Variants in FGF12 observed in about 807,000 individuals in gnomAD.
The protein encoded by FGF12 is fibroblast growth factor 12, also known as fibroblast growth factor 12B.
Under a neutral mutation model 23.6 loss-of-function variants are expected in FGF12, and 14 were observed. The observed-to-expected ratio is 0.59, with a 90% CI of 0.39 to 0.93. The LOEUF is 0.93. Among genes scored for constraint, FGF12 ranks in the 40% least tolerant of loss-of-function variants. The pLI is 0.00. For missense variants in FGF12, 175 were observed against 217.8 expected (o/e 0.80, Z 1.24); for synonymous variants, 62 against 77.3 (o/e 0.80, Z 1.04).
At chr3:192,407,995 G>A (rs1333472451) in intron 2 of FGF12, 1 of 1,582,086 alleles carries the variant, frequency 6.3e-7, no homozygotes, top group East Asian at 2.3e-5. Context: ...CGTCCCCTCT[G>A]GGGAGCCCAC....
intron 2 of FGF12, among the ~76,000 whole-genome samples, chr3:192,458,162 G>C (rs962652157): frequency 5.9e-5 from 9 of 152,184 alleles, no homozygotes. Flanking sequence ...GCAGAGGTGG[G>C]GCCCTCATGA....
At chr3:192,264,299 G>C (rs1712940374) in intron 4 of FGF12, among the ~76,000 whole-genome samples, 1 of 151,944 alleles carries the variant, frequency 6.6e-6, no homozygotes. Flanking sequence ...CTTTCAAAAA[G>C]GAAGACTTTT....
intron 2 of FGF12, among the ~76,000 whole-genome samples, chr3:192,570,460 T>C (rs1207719059): frequency 6.6e-6 from 1 of 152,176 alleles, no homozygotes; most frequent in Non-Finnish European, 1.5e-5. Flanking sequence ...GCACAAACAC[T>C]ATAAAAGATA....
chr3:192,710,032 A>G (rs1480331186), intron 2 of FGF12, among the ~76,000 whole-genome samples: 2 of 152,220 alleles, frequency 1.3e-5, no homozygotes, highest in South Asian at 4.1e-4. Context: ...ACCTGTCTGG[A>G]GATGACCTTG....
intron 5 of FGF12, among the ~76,000 whole-genome samples, chr3:192,164,877 T>C (rs777208325): frequency 7.9e-5 from 12 of 152,160 alleles, no homozygotes; most frequent in Non-Finnish European, 1.6e-4. Context: ...TTCTAATCGT[T>C]TTCTAAAAGT....
At chr3:192,171,828 T>A (rs1480005286) in intron 4 of FGF12, among the ~76,000 whole-genome samples, 3 of 151,772 alleles carry the variant, frequency 2.0e-5, no homozygotes, top group African/African-American at 4.9e-5. Context: ...TGAAGCCATG[T>A]CCTTGTAGGT....
In FGF12 at chr3:192,660,052, C is replaced by G. The variant is rs1297304094; in HGVS notation, c.13+67129G>C. On this transcript the variant is annotated intron_variant, in intron 2 of 5. Coordinates refer to ENST00000445105, the MANE Select transcript of FGF12 (RefSeq NM_004113.6). ...TATAAATCATGCTGCTATAAAGACACACACACACGTATGTTTATTGTGGCA... is the reference window on the plus strand; with the variant it reads ...TATAAATCATGCTGCTATAAAGACAGACACACACGTATGTTTATTGTGGCA... Among the ~76,000 whole-genome samples, 6 of 152,016 alleles carry G rather than the reference C, an allele frequency of 3.9e-5. No individual in the cohort carries two copies. In the South Asian group the frequency reaches 1.2e-3, roughly 32 times the overall value.
intron 4 of FGF12, among the ~76,000 whole-genome samples, chr3:192,295,995 C>T (rs903862207): frequency 2.0e-5 from 3 of 151,634 alleles, no homozygotes; most frequent in African/African-American, 7.3e-5. Flanking sequence ...GATCCTCCCA[C>T]CTCAGCCTCC....
intron 5 of FGF12, among the ~76,000 whole-genome samples, chr3:192,150,573 A>C (rs1465156322): frequency 6.8e-6 from 1 of 146,184 alleles, no homozygotes; most frequent in Non-Finnish European, 1.5e-5. Flanking sequence ...TAAATGGGGA[A>C]TCCTTTCCCC....
chr3:192,167,814 C>T (rs1199089439), intron 5 of FGF12, among the ~76,000 whole-genome samples: 1 of 117,654 alleles, frequency 8.5e-6, no homozygotes. Flanking sequence ...CTTGCTTTAT[C>T]ACCCAGGCTG....
intron 2 of FGF12, among the ~76,000 whole-genome samples, chr3:192,722,063 G>A (rs1237175390): frequency 1.3e-5 from 2 of 152,104 alleles, no homozygotes; most frequent in Non-Finnish European, 1.5e-5. Context: ...TTATACCTCT[G>A]TCCCCCACAT....
At chr3:192,675,480 CATTA>C (rs951606099) in intron 2 of FGF12, among the ~76,000 whole-genome samples, 2 of 152,036 alleles carry the variant, frequency 1.3e-5, no homozygotes, top group African/African-American at 2.4e-5. Flanking sequence ...AAGGGGATAT[CATTA>C]ATTATCACCC....
At chr3:192,387,056 A>G (rs569883585) in intron 2 of FGF12, among the ~76,000 whole-genome samples, 11 of 152,212 alleles carry the variant, frequency 7.2e-5, no homozygotes, top group Non-Finnish European at 1.6e-4. Flanking sequence ...AATTGCTAGC[A>G]TGGCTGTGCA....
At chr3:192,232,050 T>G (rs1719049800) in intron 4 of FGF12, among the ~76,000 whole-genome samples, 1 of 152,212 alleles carries the variant, frequency 6.6e-6, no homozygotes, top group African/African-American at 2.4e-5. Context: ...TGACAAGTGC[T>G]CCATAATCCT....
intron 2 of FGF12, among the ~76,000 whole-genome samples, chr3:192,637,608 G>C (rs1182318337): frequency 6.6e-6 from 1 of 152,162 alleles, no homozygotes; most frequent in Non-Finnish European, 1.5e-5. Context: ...TCTTGTCAAA[G>C]TTTGTGGTGT....
chr3:192,542,212 T>C (rs1469900870), intron 2 of FGF12, among the ~76,000 whole-genome samples: 1 of 152,126 alleles, frequency 6.6e-6, no homozygotes, highest in African/African-American at 2.4e-5. Context: ...CTCCCCTGGC[T>C]ATTTCCAAAT....
intron 3 of FGF12, among the ~76,000 whole-genome samples, chr3:192,348,423 G>T (rs1399387077): frequency 6.6e-6 from 1 of 151,898 alleles, no homozygotes; most frequent in Non-Finnish European, 1.5e-5. Context: ...AGGCAACCAG[G>T]TTATTTAAAA....
chr3:192,338,105 C>G (rs996801343), intron 3 of FGF12, among the ~76,000 whole-genome samples: 1 of 152,042 alleles, frequency 6.6e-6, no homozygotes, highest in East Asian at 1.9e-4. Context: ...GTTACCTGTT[C>G]AAAACATCAT....
intron 4 of FGF12, among the ~76,000 whole-genome samples, chr3:192,263,556 A>G (rs534866186): frequency 2.0e-5 from 3 of 152,120 alleles, no homozygotes; most frequent in Admixed American, 6.6e-5. Context: ...AGGGAAAAAA[A>G]AAAAACTATT....
Sources: allele counts gnomAD v4.1 joint callset (sites outside exome capture counted in the v4.1 genomes callset), GRCh38; gene constraint gnomAD v4.1.1; transcripts MANE v1.5; gene names NCBI Gene and HGNC (gene_info 2026-07-23, HGNC 2026-07-21).